Variants in DSCAM observed in about 807,000 individuals in gnomAD.
The protein encoded by DSCAM is DS cell adhesion molecule, also known as cell adhesion molecule DSCAM.
Under a neutral mutation model 217.7 loss-of-function variants are expected in DSCAM, and 47 were observed. The ratio of observed to expected loss-of-function variants is 0.22; its 90% CI spans 0.17 to 0.28. DSCAM has a LOEUF of 0.28. Ranked by LOEUF, DSCAM falls within the 10% of genes least tolerant of loss-of-function variation. DSCAM has a pLI of 1.00. For synonymous variants in DSCAM, 1,056 were observed against 1,015.3 expected (o/e 1.04, Z -0.76); for missense variants, 2,080 against 2,618.3 (o/e 0.79, Z 4.49).
At chr21:40,692,060 G>A (rs570977548) in intron 3 of DSCAM, among the ~76,000 whole-genome samples, 11 of 152,326 alleles carry the variant, frequency 7.2e-5, no homozygotes, top group African/African-American at 2.4e-4. Context: ...AATCCACATC[G>A]GAACACAGAC....
chr21:40,564,057 T>C (rs1053430164), intron 3 of DSCAM, among the ~76,000 whole-genome samples: 7 of 152,134 alleles, frequency 4.6e-5, no homozygotes, highest in Admixed American at 1.3e-4. Context: ...ATCTGAGAGA[T>C]GCGTACTCTG....
intron 30 of DSCAM, among the ~76,000 whole-genome samples, chr21:40,047,785 T>C (rs1447629548): frequency 6.6e-6 from 1 of 152,192 alleles, no homozygotes; most frequent in South Asian, 2.1e-4. Context: ...CTAGCACTTA[T>C]TACATCCTGG....
chr21:40,532,868 CTGTGTGTGTGTGTGTGTGTGTGTG>C lies in DSCAM; in HGVS notation c.508+159918_508+159941del, dbSNP rs58575678. Among the ~76,000 whole-genome samples the C allele has an allele frequency of 3.8e-4, 55 of 146,030 alleles. 1 individual carries two copies. The highest frequency in any genetic ancestry group is 1.2e-3 in the African/African-American group (48 of 40,112). On this transcript the variant is annotated intron_variant, in intron 3 of 32. Transcript: ENST00000400454. ...GGTGCTTCAAAACAGCCACAAGGCT[CTGTGTGTGTGTGTGTGTGTGTGTG>C]TGTGTGTGTGTGTGTGTGCACACGC... is the stretch of plus-strand genomic sequence containing the variant.
rs565733256 is a variant in DSCAM at position 40,577,285 on chromosome 21, C to T, written c.508+115525G>A. 3.4e-5 allele frequency among the ~76,000 whole-genome samples: 5 copies of T among 148,764 alleles called. No homozygotes were observed. In the South Asian group the frequency reaches 1.1e-3, roughly 32 times the overall value. On this transcript the variant is annotated intron_variant, in intron 3 of 32. Coordinates refer to ENST00000400454, the MANE Select transcript of DSCAM (RefSeq NM_001389.5). ...GTCCTTTATTAGCCGGCGACCAGGC[C>T]GCTTCCCTCTTACCAGAACCAGAAC...
intron 1 of DSCAM, among the ~76,000 whole-genome samples, chr21:40,738,651 C>G (rs1367775417): frequency 5.9e-5 from 9 of 152,152 alleles, no homozygotes. Context: ...TGTTCAAAGA[C>G]AGATTGCGGG....
rs367728670 is a variant in DSCAM at position 40,042,319 on chromosome 21, A to G, written c.5686+52T>C. On this transcript the variant is annotated intron_variant, in intron 32 of 32. Coordinates refer to ENST00000400454, the MANE Select transcript of DSCAM (RefSeq NM_001389.5). ...CTTTCACAGCAGATGAGGGAGGACCAGGAAGGTGCACTTCCCTAAGCGACG... is the reference window on the plus strand; with the variant it reads ...CTTTCACAGCAGATGAGGGAGGACCGGGAAGGTGCACTTCCCTAAGCGACG... 2.4e-3 allele frequency: 3,755 copies of G among 1,577,138 alleles called. 22 individuals carry two copies. Among genetic ancestry groups the G allele is most frequent in the Non-Finnish European group, 2.5e-3 (2,947 of 1,159,810 alleles).
chr21:40,131,211 C>A (rs543284951), intron 19 of DSCAM, among the ~76,000 whole-genome samples: 2 of 152,280 alleles, frequency 1.3e-5, no homozygotes, highest in South Asian at 4.1e-4. Context: ...GGCATTTGTT[C>A]TCTGAATTGT....
chr21:40,315,120 C>T (rs1004066000), intron 8 of DSCAM, among the ~76,000 whole-genome samples: 10 of 152,000 alleles, frequency 6.6e-5, no homozygotes, highest in African/African-American at 1.5e-4. Context: ...ATAAGAAGGC[C>T]GGGTGTGGTG....
chr21:40,224,108 T>C (rs2091311465), intron 11 of DSCAM, among the ~76,000 whole-genome samples: 1 of 152,226 alleles, frequency 6.6e-6, no homozygotes, highest in African/African-American at 2.4e-5. Flanking sequence ...GGTATAAAAA[T>C]GGGGATTTTT....
At chr21:40,773,751 T>G (rs2091465947) in intron 1 of DSCAM, among the ~76,000 whole-genome samples, 1 of 152,246 alleles carries the variant, frequency 6.6e-6, no homozygotes, top group South Asian at 2.1e-4. Flanking sequence ...GCAGTGTGGC[T>G]GTGAATTCTA....
chr21:40,368,865 C>G (rs563406677), intron 4 of DSCAM, among the ~76,000 whole-genome samples: 1 of 152,330 alleles, frequency 6.6e-6, no homozygotes, highest in African/African-American at 2.4e-5. Context: ...CCCTGAAATG[C>G]TAACGCATCA....
intron 11 of DSCAM, among the ~76,000 whole-genome samples, chr21:40,230,587 C>T (rs1265723830): frequency 1.3e-5 from 2 of 152,066 alleles, no homozygotes; most frequent in Admixed American, 6.6e-5. Flanking sequence ...GGATTTATTG[C>T]TATACATTTT....
chr21:40,442,592 T>C (rs2075641224), intron 3 of DSCAM, among the ~76,000 whole-genome samples: 1 of 140,036 alleles, frequency 7.1e-6, no homozygotes, highest in Non-Finnish European at 1.5e-5. Flanking sequence ...CGATCTCGGC[T>C]CACTGCAACC....
intron 20 of DSCAM, among the ~76,000 whole-genome samples, chr21:40,112,943 A>G (rs1337280045): frequency 6.6e-6 from 1 of 152,200 alleles, no homozygotes; most frequent in Non-Finnish European, 1.5e-5. Flanking sequence ...CAACCAAAAA[A>G]AGTCCAGGAC....
intron 3 of DSCAM, among the ~76,000 whole-genome samples, chr21:40,500,858 T>C (rs961749927): frequency 6.6e-6 from 1 of 152,170 alleles, no homozygotes; most frequent in African/African-American, 2.4e-5. Flanking sequence ...AGGAAGCCCA[T>C]GACCTGGGAG....
intron 15 of DSCAM, among the ~76,000 whole-genome samples, chr21:40,176,219 A>G (rs2090728551): frequency 6.6e-6 from 1 of 152,148 alleles, no homozygotes; most frequent in Non-Finnish European, 1.5e-5. Context: ...CCTTCAAGAC[A>G]GGGGAAGAAG....
chr21:40,622,067 GAA>G (rs1403169142), intron 3 of DSCAM, among the ~76,000 whole-genome samples: 7 of 152,014 alleles, frequency 4.6e-5, no homozygotes, highest in Admixed American at 1.3e-4. Flanking sequence ...AAAATTTCTA[GAA>G]AAGACAAAAG....
intron 32 of DSCAM, among the ~76,000 whole-genome samples, chr21:40,041,133 G>T (rs1172127369): frequency 1.3e-5 from 2 of 152,096 alleles, no homozygotes; most frequent in South Asian, 2.1e-4. Context: ...ATTTCAGCTA[G>T]GCCTTGTCCC....
At chr21:40,428,865 T>C (rs2075502569) in intron 3 of DSCAM, among the ~76,000 whole-genome samples, 2 of 151,874 alleles carry the variant, frequency 1.3e-5, no homozygotes, top group African/African-American at 4.9e-5. Context: ...CACCATTTCA[T>C]GTGACTCCTT....
Sources: allele counts gnomAD v4.1 joint callset (sites outside exome capture counted in the v4.1 genomes callset), GRCh38; gene constraint gnomAD v4.1.1; transcripts MANE v1.5; gene names NCBI Gene and HGNC (gene_info 2026-07-23, HGNC 2026-07-21).